The following DLG2 variants were observed in gnomAD, a reference collection of about 807,000 sequenced individuals.
DLG2 encodes disks large homolog 2.
Under a neutral mutation model 132.5 loss-of-function variants are expected in DLG2, and 45 were observed. The observed-to-expected ratio is 0.34, with a 90% CI of 0.27 to 0.44. DLG2 has a LOEUF of 0.44. DLG2 is among the 20% of genes least tolerant of loss of function. The pLI is 1.00. For missense variants in DLG2, 1,045 were observed against 1,196.9 expected (o/e 0.87, Z 1.87); for synonymous variants, 424 against 419.6 (o/e 1.01, Z -0.13).
At chr11:85,550,667 A>T (rs1446337564) in intron 3 of DLG2, among the ~76,000 whole-genome samples, 1 of 152,254 alleles carries the variant, frequency 6.6e-6, no homozygotes, top group Non-Finnish European at 1.5e-5. Context: ...TCAAAGGCAG[A>T]AACATCTGCA....
chr11:85,056,412 A>G (rs1182554291), intron 6 of DLG2, among the ~76,000 whole-genome samples: 1 of 152,118 alleles, frequency 6.6e-6, no homozygotes, highest in Non-Finnish European at 1.5e-5. Flanking sequence ...AATATGTTTC[A>G]GCAGAAGAGA....
chr11:84,809,976 T>C (rs1387148360), intron 6 of DLG2, among the ~76,000 whole-genome samples: 1 of 151,984 alleles, frequency 6.6e-6, no homozygotes, highest in African/African-American at 2.4e-5. Flanking sequence ...GAAATAATCT[T>C]TTCAACAAAT....
chr11:83,956,356 A>C (rs781543278), intron 14 of DLG2, among the ~76,000 whole-genome samples: 53 of 152,186 alleles, frequency 3.5e-4, no homozygotes, highest in Admixed American at 9.2e-4. Flanking sequence ...AGCTGCTAAC[A>C]TACTGCTGTC....
At chr11:84,234,683 C>T (rs559896111) in intron 8 of DLG2, among the ~76,000 whole-genome samples, 1 of 152,140 alleles carries the variant, frequency 6.6e-6, no homozygotes, top group Non-Finnish European at 1.5e-5. Context: ...CTCCTCCTCC[C>T]GTTGGAATTC....
chr11:83,706,631 G>GC (rs2084069982), intron 18 of DLG2, among the ~76,000 whole-genome samples: 1 of 152,190 alleles, frequency 6.6e-6, no homozygotes. Context: ...CATACACAAT[G>GC]CAATTCAGAA....
intron 19 of DLG2, among the ~76,000 whole-genome samples, chr11:83,627,358 CT>C (rs984366152): frequency 1.1e-4 from 16 of 152,010 alleles, no homozygotes; most frequent in African/African-American, 3.9e-4. Flanking sequence ...TCCCTCCCCT[CT>C]TCCCCCACCC....
intron 6 of DLG2, among the ~76,000 whole-genome samples, chr11:84,747,495 A>G (rs2065528103): frequency 6.6e-6 from 1 of 152,208 alleles, no homozygotes; most frequent in African/African-American, 2.4e-5. Flanking sequence ...AATAAACTAG[A>G]TATGTGATCT....
At chr11:84,847,434 G>A (rs931838079) in intron 6 of DLG2, among the ~76,000 whole-genome samples, 2 of 152,124 alleles carry the variant, frequency 1.3e-5, no homozygotes, top group Non-Finnish European at 1.5e-5. Context: ...GTTTGTTTTG[G>A]AGTTTGGGAG....
chr11:84,925,110 G>C (rs982755042), intron 6 of DLG2, among the ~76,000 whole-genome samples: 7 of 152,040 alleles, frequency 4.6e-5, no homozygotes, highest in African/African-American at 1.7e-4. Flanking sequence ...TTCAACCTGT[G>C]AATAAGTACC....
chr11:83,592,200 A>G (rs2097200306), intron 19 of DLG2, among the ~76,000 whole-genome samples: 1 of 150,884 alleles, frequency 6.6e-6, no homozygotes, highest in Admixed American at 6.6e-5. Context: ...TCCTAAGCCA[A>G]AAGAACAAAG....
intron 3 of DLG2, among the ~76,000 whole-genome samples, chr11:85,545,247 CAT>C (rs1294530048): frequency 6.6e-6 from 1 of 152,118 alleles, no homozygotes; most frequent in Non-Finnish European, 1.5e-5. Flanking sequence ...TTGAGACAAT[CAT>C]GTGATTTTGT....
intron 4 of DLG2, among the ~76,000 whole-genome samples, chr11:85,229,731 G>A (rs1466932212): frequency 6.6e-6 from 1 of 151,998 alleles, no homozygotes; most frequent in Non-Finnish European, 1.5e-5. Flanking sequence ...CAAAGACTTG[G>A]AACCAACCCA....
chr11:83,902,660 TCC>T (rs2073787252), intron 15 of DLG2, among the ~76,000 whole-genome samples: 1 of 152,130 alleles, frequency 6.6e-6, no homozygotes, highest in African/African-American at 2.4e-5. Context: ...CACTGTGTGG[TCC>T]CAGAAGGTAG....
intron 6 of DLG2, among the ~76,000 whole-genome samples, chr11:85,065,331 C>CT (rs111940231): frequency 4.0e-5 from 6 of 151,142 alleles, no homozygotes; most frequent in African/African-American, 9.7e-5. Context: ...TATGTTACTC[C>CT]TTTTTTTTAA....
intron 6 of DLG2, among the ~76,000 whole-genome samples, chr11:85,012,935 T>C (rs1252901044): frequency 2.0e-5 from 3 of 152,066 alleles, no homozygotes; most frequent in African/African-American, 4.8e-5. Flanking sequence ...ATTAAGAGAG[T>C]TGTTGTAAGC....
At chr11:84,490,648 G>GA (rs1567769836) in intron 7 of DLG2, among the ~76,000 whole-genome samples, 137 of 99,164 alleles carry the variant, frequency 1.4e-3, no homozygotes, top group African/African-American at 5.2e-3. Context: ...ACATATATGA[G>GA]CAAAAAAAAA....
intron 6 of DLG2, among the ~76,000 whole-genome samples, chr11:84,801,318 T>C (rs1269299185): frequency 1.3e-5 from 2 of 152,130 alleles, no homozygotes; most frequent in African/African-American, 4.8e-5. Context: ...ACGCCTGTAT[T>C]CCTAGCACTT....
At chr11:84,156,322 T>A (rs971940722) in intron 9 of DLG2, among the ~76,000 whole-genome samples, 17 of 152,222 alleles carry the variant, frequency 1.1e-4, no homozygotes, top group Admixed American at 3.9e-4. Context: ...TTTCCATGTA[T>A]GAAATTAATA....
At chr11:83,990,463 A>T (rs1224816743) in intron 11 of DLG2, among the ~76,000 whole-genome samples, 1 of 152,164 alleles carries the variant, frequency 6.6e-6, no homozygotes, top group African/African-American at 2.4e-5. Flanking sequence ...GTAAAAAGAG[A>T]ACACCATGAA....
Sources: allele counts gnomAD v4.1 joint callset (sites outside exome capture counted in the v4.1 genomes callset), GRCh38; gene constraint gnomAD v4.1.1; transcripts MANE v1.5; gene names NCBI Gene and HGNC (gene_info 2026-07-23, HGNC 2026-07-21).